The following AKAP10 variants were observed in gnomAD, a reference collection of about 807,000 sequenced individuals.
The protein encoded by AKAP10 is A-kinase anchoring protein 10.
AKAP10 carries 24 observed loss-of-function variants against 80.8 expected under a neutral mutation model. The observed-to-expected ratio is 0.30, with a 90% confidence interval of 0.22 to 0.42. The LOEUF is 0.42. AKAP10 is among the 10% of genes least tolerant of loss of function. The pLI, the probability that AKAP10 is intolerant of heterozygous loss-of-function variation, is 1.00. For missense variants in AKAP10, 661 were observed against 794.9 expected (o/e 0.83, Z 2.03); for synonymous variants, 291 against 277.7 (o/e 1.05, Z -0.48).
rs1023366188 is a variant in AKAP10 at position 19,904,768 on chromosome 17, T to C, written c.*1459A>G. ...AGCAGAAAGTTGACACAATTTTAAA[T>C]AGAATTCATATATATATATTTTAAA... On this transcript the variant is annotated 3_prime_UTR_variant, in exon 15 of 15. Coordinates refer to ENST00000225737, the MANE Select transcript of AKAP10 (RefSeq NM_007202.4). The C allele has an allele frequency of 5.3e-5, 8 of 152,186 alleles. No individual in the cohort carries two copies. Among genetic ancestry groups the C allele is most frequent in the African/African-American group, 1.9e-4 (8 of 41,562 alleles). 9.4% of individuals were successfully genotyped at this position (152,186 alleles called of 1,614,324 possible). A position where few individuals can be genotyped will look rare whatever the true frequency, so the allele number is the denominator to read the frequency against.
chr17:19,924,439 G>C lies in AKAP10; in HGVS notation c.1720C>G (p.Pro574Ala). The change falls in exon 11 of 15, where the codon CCA becomes GCA. Residue 574 changes from proline to alanine, a missense_variant. By Grantham distance (27) the Pro-to-Ala change is conservative. Transcript: ENST00000225737. ...AIIVDAASLD[P>A]ESLYQRTYAG... ...TATGTCCGTTGATATAAAGATTCTG[G>C]ATCCAGACTTGCCGCATCCACAATT... 6.2e-7 allele frequency: 1 copy of C among 1,605,036 alleles called. No homozygotes were observed. The highest frequency in any genetic ancestry group is 1.1e-5 in the South Asian group (1 of 89,468).
rs56812794 is a variant in AKAP10 at position 19,946,105 on chromosome 17, G to GTATATATATA, written c.976+1292_976+1301dup. Among the ~76,000 whole-genome samples the GTATATATATA allele has an allele frequency of 7.8e-5, 10 of 128,822 alleles. No individual in the cohort carries two copies. In the East Asian group the frequency reaches 2.2e-3, roughly 28 times the overall value. 84.5% of individuals were successfully genotyped at this position (128,822 alleles called of 152,430 possible). A position where few individuals can be genotyped will look rare whatever the true frequency, so the allele number is the denominator to read the frequency against. On this transcript the variant is annotated intron_variant, in intron 5 of 14. Coordinates refer to ENST00000225737, the MANE Select transcript of AKAP10 (RefSeq NM_007202.4). ...GAGATACTTTGATTTTTTTATTCTA[G>GTATATATATA]TATATATATATATACACACACTAAT... is the stretch of plus-strand genomic sequence containing the variant.
In AKAP10 at chr17:19,946,273, ATATTTTTTTTT is replaced by A. The variant is rs2043128041; in HGVS notation, c.976+1123_976+1133del. 5.6e-4 allele frequency among the ~76,000 whole-genome samples: 11 copies of A among 19,806 alleles called. No individual in the cohort carries two copies. The East Asian group carries it at 7.4e-3, about 13-fold the overall frequency. 13.0% of individuals were successfully genotyped at this position (19,806 alleles called of 152,430 possible). On this transcript the variant is annotated intron_variant, in intron 5 of 14. Transcript: ENST00000225737. ...TATATATATATATATATATATATATATATTTTTTTTTTTTTTTTTTTTTTTTGGCAGGGGGT... is the reference window on the plus strand; with the variant it reads ...TATATATATATATATATATATATATATTTTTTTTTTTTTTTGGCAGGGGGT...
At chr17:19,955,233 TAAG>T (rs1341411397) in intron 4 of AKAP10, among the ~76,000 whole-genome samples, 1 of 147,112 alleles carries the variant, frequency 6.8e-6, no homozygotes, top group Non-Finnish European at 1.5e-5. Context: ...AAAAAAAAAA[TAAG>T]AAAAAAAAAG....
chr17:19,971,246 C>T (rs1347838783), intron 1 of AKAP10, among the ~76,000 whole-genome samples: 3 of 151,942 alleles, frequency 2.0e-5, no homozygotes, highest in African/African-American at 4.8e-5. Context: ...CGGTGGCTCA[C>T]GCCTGTAATC....
chr17:19,929,536 G>A (rs1468844302), intron 10 of AKAP10: 1 of 152,152 alleles, frequency 6.6e-6, no homozygotes, highest in African/African-American at 2.4e-5. Flanking sequence ...TCTGGATGCT[G>A]GGTCACATGG....
chr17:19,921,679 CA>C (rs1028338864), intron 11 of AKAP10, among the ~76,000 whole-genome samples: 24 of 150,820 alleles, frequency 1.6e-4, no homozygotes, highest in Admixed American at 8.6e-4. Flanking sequence ...CATTTTTTTT[CA>C]AAAATTTTTT....
Position 19,942,053 on chromosome 17 carries a change from TGA to T in AKAP10, c.977-145_977-144del, listed in dbSNP as rs2043055834. ...ACTAAAAGAAAATACAGGTAACACT[TGA>T]TCTTAAAATAGAAAGTCTTTTGAAG... is the stretch of plus-strand genomic sequence containing the variant. On this transcript the variant is annotated intron_variant, in intron 5 of 14. Transcript: ENST00000225737. 31 of 494,510 alleles carry T rather than the reference TGA, an allele frequency of 6.3e-5. 1 individual carries two copies. In the South Asian group the frequency reaches 1.7e-3, roughly 27 times the overall value. 30.6% of individuals were successfully genotyped at this position (494,510 alleles called of 1,614,324 possible).
At chr17:19,952,464 CAATAAATAAATAAATAAATA>C (rs57806192) in intron 4 of AKAP10, among the ~76,000 whole-genome samples, 32 of 148,206 alleles carry the variant, frequency 2.2e-4, no homozygotes, top group Middle Eastern at 3.4e-3. Flanking sequence ...AACTCTGTCT[CAATAAATAAATAAATAAATA>C]AATAAATAAA....
chr17:19,916,949 A>C (rs1227306767), intron 12 of AKAP10, among the ~76,000 whole-genome samples: 1 of 136,834 alleles, frequency 7.3e-6, no homozygotes, highest in South Asian at 2.4e-4. Flanking sequence ...AAAATAAATA[A>C]ATAAATAAAT....
chr17:19,971,748 T>A (rs2043500709), intron 1 of AKAP10, among the ~76,000 whole-genome samples: 1 of 152,244 alleles, frequency 6.6e-6, no homozygotes, highest in African/African-American at 2.4e-5. Context: ...CTAGTACACG[T>A]CTTCCTATGC....
At chr17:19,928,168 T>G (rs939761119) in intron 10 of AKAP10, among the ~76,000 whole-genome samples, 9 of 151,942 alleles carry the variant, frequency 5.9e-5, no homozygotes, top group South Asian at 4.2e-4. Flanking sequence ...GAGGTTGCAG[T>G]GAGCTGAGAC....
At chr17:19,950,097 G>C (rs1312472297) in intron 4 of AKAP10, among the ~76,000 whole-genome samples, 1 of 152,160 alleles carries the variant, frequency 6.6e-6, no homozygotes, top group African/African-American at 2.4e-5. Context: ...GAGGTCAAGA[G>C]TTCAAGACCA....
At chr17:19,927,516 G>A (rs894055741) in intron 10 of AKAP10, among the ~76,000 whole-genome samples, 3 of 152,012 alleles carry the variant, frequency 2.0e-5, no homozygotes, top group African/African-American at 4.8e-5. Context: ...ATGGGCAAAG[G>A]GGCTGAGCAA....
chr17:19,945,692 C>A (rs2043095848), intron 5 of AKAP10, among the ~76,000 whole-genome samples: 1 of 152,182 alleles, frequency 6.6e-6, no homozygotes, highest in East Asian at 1.9e-4. Flanking sequence ...TTAAGAAACA[C>A]AGCTGAGACT....
At chr17:19,946,238 TATATATATATATATA>T (rs2043114458) in intron 5 of AKAP10, among the ~76,000 whole-genome samples, 1 of 8,794 alleles carries the variant, frequency 1.1e-4, no homozygotes, top group African/African-American at 5.1e-4. Context: ...ATATATATAT[TATATATATATATATA>T]TATATATATA....
chr17:19,971,584 T>C (rs775434807), intron 1 of AKAP10, among the ~76,000 whole-genome samples: 1 of 152,142 alleles, frequency 6.6e-6, no homozygotes, highest in Admixed American at 6.5e-5. Context: ...TAATCTGACA[T>C]GACTATTGAA....
intron 11 of AKAP10, among the ~76,000 whole-genome samples, chr17:19,924,134 T>C (rs2152411697): frequency 6.6e-6 from 1 of 152,304 alleles, no homozygotes; most frequent in Non-Finnish European, 1.5e-5. Context: ...TAAATGATGT[T>C]GGCATCTTTT....
At chr17:19,965,981 C>A (rs1247701505) in intron 2 of AKAP10, among the ~76,000 whole-genome samples, 1 of 151,916 alleles carries the variant, frequency 6.6e-6, no homozygotes, top group Non-Finnish European at 1.5e-5. Context: ...GGTTAATGAG[C>A]TAGTAAACAG....
Sources: gnomAD v4.1 joint callset for allele counts (sites outside exome capture counted in the v4.1 genomes callset) on GRCh38, gnomAD v4.1.1 for gene constraint, MANE v1.5 for transcripts, NCBI Gene and HGNC (gene_info 2026-07-23, HGNC 2026-07-21) for gene names.